QARS1: variants seen among roughly 807,000 people sequenced by gnomAD.
QARS1 encodes the protein glutamine--tRNA ligase.
QARS1 carries 79 observed loss-of-function variants against 106.9 expected under a neutral mutation model. The ratio of observed to expected loss-of-function variants is 0.74; its 90% confidence interval spans 0.62 to 0.89. The LOEUF is 0.89. QARS1 is among the 40% of genes least tolerant of loss of function. The pLI, the probability that QARS1 is intolerant of heterozygous loss-of-function variation, is 0.00. For synonymous variants in QARS1, 395 were observed against 367.7 expected (o/e 1.07, Z -0.85); for missense variants, 966 against 997.2 (o/e 0.97, Z 0.42).
In QARS1 at chr3:49,098,496, G is replaced by C. The variant is rs1173475350; in HGVS notation, c.1957-16C>G. 1.9e-6 allele frequency: 3 copies of C among 1,613,960 alleles called. No individual in the cohort carries two copies. The highest frequency in any genetic ancestry group is 2.5e-6 in the Non-Finnish European group (3 of 1,180,010). ...CACTGGGGCCCTGGAAGTGGGGGGA[G>C]GGGAGCAGCAATTAGACCCGGGAAC... On this transcript the variant is annotated splice_polypyrimidine_tract_variant and intron_variant, in intron 20 of 23. Transcript: ENST00000306125.
At chr3:49,103,571 G>T (rs2042498760) in intron 4 of QARS1, 60 bp downstream of exon 4, 1 of 1,581,680 alleles carries the variant, frequency 6.3e-7, no homozygotes, top group Admixed American at 1.8e-5. Context: ...TCTCACTCGT[G>T]CCCAGAAGAA....
intron 20 of QARS1, 53 bp from the exon 21 acceptor site, chr3:49,098,533 C>T (rs954037456): frequency 1.2e-6 from 2 of 1,612,988 alleles, no homozygotes; most frequent in Non-Finnish European, 1.7e-6. Context: ...ACAACCAGGA[C>T]TGCAGGCTAT....
At chr3:49,097,314 T>C (rs1246819757) in intron 23 of QARS1, 2 of 151,774 alleles carry the variant, frequency 1.3e-5, no homozygotes, top group Non-Finnish European at 2.9e-5. Context: ...GAAAGGTTAT[T>C]AGCTGCCTTA....
In QARS1 at chr3:49,100,407, T is replaced by C. The variant is rs2042454007; in HGVS notation, c.1028A>G (p.Tyr343Cys). 1.2e-6 allele frequency: 2 copies of C among 1,614,120 alleles called. No homozygotes were observed. Among genetic ancestry groups the C allele is most frequent in the African/African-American group, 1.3e-5 (1 of 74,940 alleles). ...GCGGATGAGCTCCACAGCCCACGCATATAGCTGGTCAAAATAGTCAGACGC... is the reference window on the plus strand; with the variant it reads ...GCGGATGAGCTCCACAGCCCACGCACATAGCTGGTCAAAATAGTCAGACGC... ...TYASDYFDQL[Y>C]AWAVELIRRG... Residue 343 changes from tyrosine (Y) to cysteine (C), a missense_variant, in exon 12 of 24, where the codon TAT (tyrosine) becomes TGT (cysteine). Tyr to Cys is a radical substitution (Grantham distance 194). Transcript: ENST00000306125.
chr3:49,098,121 C>T lies in QARS1; in HGVS notation c.2152-4G>A. The T allele has an allele frequency of 6.2e-7, 1 of 1,614,202 alleles. No individual in the cohort carries two copies. The highest frequency in any genetic ancestry group is 1.1e-5 in the South Asian group (1 of 91,086). On this transcript the variant is annotated splice_region_variant and splice_polypyrimidine_tract_variant and intron_variant, in intron 22 of 23. Transcript: ENST00000306125. ...CATCCACCACGTGTAGTGATGCCTG[C>T]AGGCAGGGAACTCAGGCAACCATCC...
At chr3:49,097,887 C>T in intron 23 of QARS1, 105 bp downstream of exon 23, 1 of 1,458,832 alleles carries the variant, frequency 6.9e-7, no homozygotes, top group South Asian at 1.3e-5. Flanking sequence ...CCAACTCCCT[C>T]AGGTGGTGAG....
chr3:49,100,791 A>G (rs554448262), intron 10 of QARS1, 117 bp from the exon 11 acceptor site: 3 of 889,276 alleles, frequency 3.4e-6, no homozygotes, highest in African/African-American at 3.3e-5. Flanking sequence ...TTTTTTTGAG[A>G]TGGAGTCTTG....
chr3:49,103,598 G>T, intron 4 of QARS1, 33 bp downstream of exon 4: 1 of 1,606,046 alleles, frequency 6.2e-7, no homozygotes, highest in Non-Finnish European at 8.5e-7. Context: ...TGACCAGAGA[G>T]AACAATATAG....
intron 9 of QARS1, 45 bp downstream of exon 9, chr3:49,101,575 C>T: frequency 6.2e-7 from 1 of 1,606,856 alleles, no homozygotes; most frequent in Non-Finnish European, 8.5e-7. Flanking sequence ...GGCACTCAGG[C>T]AGGTGTTTGA....
At chr3:49,096,703 G>A (rs567945492) in intron 23 of QARS1, among the ~76,000 whole-genome samples, 1 of 150,258 alleles carries the variant, frequency 6.7e-6, no homozygotes, top group African/African-American at 2.4e-5. Flanking sequence ...GGGAGGCTGA[G>A]GCGGGAGAAT....
intron 23 of QARS1, 130 bp downstream of exon 23, chr3:49,097,862 A>T: frequency 7.6e-7 from 1 of 1,319,836 alleles, no homozygotes; most frequent in Non-Finnish European, 1.0e-6. Context: ...TTTCCTCACT[A>T]GTAGAATATG....
chr3:49,103,725 T>G lies in QARS1; in HGVS notation c.376-19A>C, dbSNP rs1480341696. Reference sequence around the variant, plus strand: ...CCTCCACCTGCAGAAAGCCAAACCATGTGGTTCAGGAAAGCCACCTTTAGA... The same window carrying G: ...CCTCCACCTGCAGAAAGCCAAACCAGGTGGTTCAGGAAAGCCACCTTTAGA... On this transcript the variant is annotated intron_variant, in intron 3 of 23. Transcript: ENST00000306125. 2.3e-5 allele frequency: 37 copies of G among 1,612,822 alleles called. No individual in the cohort carries two copies. The highest frequency in any genetic ancestry group is 3.1e-5 in the Non-Finnish European group (37 of 1,179,412).
rs925596135 is a variant in QARS1, at chr3:49,102,732, C to T, written c.517-260G>A. The T allele has an allele frequency of 7.1e-5, 39 of 550,004 alleles. No individual in the cohort carries two copies. In the Admixed American group the frequency reaches 9.2e-4, roughly 13 times the overall value. The allele number at this position is 550,004 out of a possible 1,614,324, so 34.1% of individuals were successfully genotyped here. On this transcript the variant is annotated intron_variant, in intron 5 of 23. Transcript: ENST00000306125. ...TCTCCGCTCACTGCAACCTCCGCCT[C>T]CTGGATTCAAGCGATTTTCCTACCT...
intron 2 of QARS1, 164 bp from the exon 3 acceptor site, chr3:49,104,136 G>C (rs1480947441): frequency 8.7e-7 from 1 of 1,143,066 alleles, no homozygotes; most frequent in East Asian, 2.4e-5. Flanking sequence ...CGTGTCGAGA[G>C]TGGATCCCCC....
rs762144515 is a variant in QARS1, at chr3:49,100,299, CT to C, written c.1056-2del. ...CTGGTGGCACACATAAGCCAGACCC[CT>C]GTGGGGAAGCGGTGTGAGTGCCCAG... is the stretch of plus-strand genomic sequence containing the variant. On this transcript the variant is annotated splice_acceptor_variant, in intron 12 of 23. Coordinates refer to ENST00000306125, the MANE Select transcript of QARS1 (RefSeq NM_005051.3). LOFTEE classifies it high-confidence loss of function. 6.2e-7 allele frequency: 1 copy of C among 1,614,266 alleles called. No individual in the cohort carries two copies. The highest frequency in any genetic ancestry group is 1.1e-5 in the South Asian group (1 of 91,088).
Position 49,104,438 on chromosome 3 carries a change from C to G in QARS1, c.151G>C (p.Ala51Pro), listed in dbSNP as rs755697141. 1.2e-6 allele frequency: 2 copies of G among 1,614,172 alleles called. No homozygotes were observed. Among genetic ancestry groups the G allele is most frequent in the Admixed American group, 3.3e-5 (2 of 60,026 alleles). ...AAGCCATATAACAGGATCCCGGTAG[C>G]TTTGTCAATGGTGGAACCCAGGGTC... is the stretch of plus-strand genomic sequence containing the variant. Reference protein sequence around the residue: ...QQTLGSTIDKATGILLYGLAS... With the variant: ...QQTLGSTIDKPTGILLYGLAS... The change falls in exon 2 of 24, where the codon GCT becomes CCT. Residue 51 changes from alanine to proline, a missense_variant. By Grantham distance (27) the Ala-to-Pro change is conservative. Coordinates refer to ENST00000306125, the MANE Select transcript of QARS1 (RefSeq NM_005051.3).
In QARS1 at chr3:49,098,001, A is replaced by T; in HGVS notation, c.2268T>A (p.His756Gln). ...LGYFSVDPDS[H>Q]QGKLVFNRTV... The stretch of plus-strand genomic sequence containing the variant: ...GAGTAAAGTCAAGCACCTTTCCCTG[A>T]TGGCTGTCTGGATCCACGGAGAAAT... Residue 756 changes from histidine to glutamine, a missense_variant, in exon 23 of 24, where the codon CAT (histidine) becomes CAA (glutamine). Physicochemically the swap from His to Gln is conservative, Grantham distance 24. Transcript: ENST00000306125. 1 of 1,614,170 alleles carries T rather than the reference A, an allele frequency of 6.2e-7. No homozygotes were observed. The highest frequency in any genetic ancestry group is 8.5e-7 in the Non-Finnish European group (1 of 1,180,024).
chr3:49,096,984 CAAAAAAAGAAAAAAAAA>C (rs1359465760), intron 23 of QARS1: 1 of 110,988 alleles, frequency 9.0e-6, no homozygotes, highest in Non-Finnish European at 1.8e-5. Context: ...GATACTGTTT[CAAAAAAAGAAAAAAAAA>C]AAAAAAAGGA....
In QARS1 at chr3:49,104,642, G is replaced by A. The variant is rs371969519; in HGVS notation, c.92C>T (p.Ala31Val). The A allele has an allele frequency of 1.1e-5, 17 of 1,606,298 alleles. No individual in the cohort carries two copies. The highest frequency in any genetic ancestry group is 1.4e-5 in the Non-Finnish European group (17 of 1,174,368). ...RETLKNSALS[A>V]QLREAATQAQ... ...CTGAGTAGCGGCCTCGCGCAGCTGCGCGCTCAGAGCCGAGTTCTTGAGCGT... is the reference window on the plus strand; with the variant it reads ...CTGAGTAGCGGCCTCGCGCAGCTGCACGCTCAGAGCCGAGTTCTTGAGCGT... The change falls in exon 1 of 24, where the codon GCG becomes GTG. Residue 31 changes from alanine (A) to valine (V), a missense_variant. Coordinates refer to ENST00000306125, the MANE Select transcript of QARS1 (RefSeq NM_005051.3).
Sources: allele counts gnomAD v4.1 joint callset (sites outside exome capture counted in the v4.1 genomes callset), GRCh38; gene constraint gnomAD v4.1.1; transcripts MANE v1.5; gene names NCBI Gene and HGNC (gene_info 2026-07-23, HGNC 2026-07-21).